Variants in SV2B observed in about 807,000 individuals in gnomAD.
The protein encoded by SV2B is synaptic vesicle glycoprotein 2B, also known as solute carrier family 22 member B2.
Under a neutral mutation model 73.9 loss-of-function variants are expected in SV2B, and 41 were observed. The observed-to-expected ratio is 0.56, with a 90% CI of 0.43 to 0.72. The LOEUF is 0.72. Among genes scored for constraint, SV2B ranks in the 30% least tolerant of loss-of-function variants. The pLI is 0.00. For synonymous variants in SV2B, 314 were observed against 314.2 expected, an observed-to-expected ratio of 1.00 and a Z score of 0.01; for missense variants, 764 against 857.8, an observed-to-expected ratio of 0.89 and a Z score of 1.37.
At chr15:91,262,482 G>C (rs974940826) in intron 6 of SV2B, among the ~76,000 whole-genome samples, 10 of 151,900 alleles carry the variant, frequency 6.6e-5, no homozygotes, top group Non-Finnish European at 1.3e-4. Flanking sequence ...TTCTATTTTA[G>C]GTTCGGGGTA....
At chr15:91,131,662 A>C (rs551124517) in intron 1 of SV2B, among the ~76,000 whole-genome samples, 51 of 149,656 alleles carry the variant, frequency 3.4e-4, no homozygotes, top group Admixed American at 1.6e-3. Context: ...AAAAAAAAAA[A>C]CAAAAAAAAC....
intron 1 of SV2B, among the ~76,000 whole-genome samples, chr15:91,169,410 A>G (rs980711914): frequency 2.0e-5 from 3 of 152,156 alleles, no homozygotes; most frequent in African/African-American, 7.2e-5. Flanking sequence ...CGAATGAATG[A>G]AAGACAGCCC....
intron 1 of SV2B, among the ~76,000 whole-genome samples, chr15:91,196,775 G>T (rs1271629684): frequency 6.6e-6 from 1 of 152,230 alleles, no homozygotes; most frequent in Non-Finnish European, 1.5e-5. Flanking sequence ...TAGGTTTGTT[G>T]GGGTGAAATT....
rs538652096 is a variant in SV2B, at chr15:91,121,236, G to A, written c.-392+20873G>A. The stretch of plus-strand genomic sequence containing the variant: ...AGTCAAAGTTTTCTTCACCTCAGGC[G>A]AGTTTTTATCTAGTGCTGTGGTTCT... On this transcript the variant is annotated intron_variant, in intron 1 of 12. Coordinates refer to ENST00000394232, the MANE Select transcript of SV2B (RefSeq NM_001323032.3). The surrounding 1 kb of genome is among the most constrained non-coding windows in gnomAD (Gnocchi z 4.4). Among the ~76,000 whole-genome samples, 1 of 152,206 alleles carries A rather than the reference G, an allele frequency of 6.6e-6. No homozygotes were observed. Among genetic ancestry groups the A allele is most frequent in the East Asian group, 1.9e-4 (1 of 5,194 alleles).
rs2048908717 is a variant in SV2B at position 91,287,737 on chromosome 15, A to G, written c.1709-1784A>G. Among the ~76,000 whole-genome samples, 3 of 152,368 alleles carry G rather than the reference A, an allele frequency of 2.0e-5. No individual in the cohort carries two copies. The South Asian group carries it at 6.2e-4, about 32-fold the overall frequency. ...CTGGAGGGGAAAAGGGATTCACCCC[A>G]GATAGTTCTAGTGAGGAAACTTTAC... On this transcript the variant is annotated intron_variant, in intron 11 of 12. Coordinates refer to ENST00000394232, the MANE Select transcript of SV2B (RefSeq NM_001323032.3).
chr15:91,212,092 T>C (rs1037420960), intron 1 of SV2B, among the ~76,000 whole-genome samples: 1 of 152,204 alleles, frequency 6.6e-6, no homozygotes, highest in Non-Finnish European at 1.5e-5. Context: ...ATATGACCTG[T>C]TTCTAGATGC....
chr15:91,281,911 G>T lies in SV2B; in HGVS notation c.1507+50G>T, dbSNP rs1480925611. 6.5e-7 allele frequency: 1 copy of T among 1,547,042 alleles called. No homozygotes were observed. The highest frequency in any genetic ancestry group is 1.4e-5 in the African/African-American group (1 of 72,238). ...AATAGAAAGTAACAGGAGACAACTT[G>T]TGTTGTCCAAGAATCAAAATGGTCA... On this transcript the variant is annotated intron_variant, in intron 10 of 12. Transcript: ENST00000394232. This position sits in a 1 kb window ranked among gnomAD's most constrained non-coding sequence, Gnocchi z 4.7.
Position 91,106,312 on chromosome 15 carries a change from G to A in SV2B, c.-392+5949G>A, listed in dbSNP as rs2041881595. On this transcript the variant is annotated intron_variant, in intron 1 of 12. Transcript: ENST00000394232. The surrounding 1 kb of genome is among the most constrained non-coding windows in gnomAD (Gnocchi z 4.4). ...GAAGAGTTTCAGGAAGGAGACATAG[G>A]TTTGAGTATCATTAGCATGTTATTT... Among the ~76,000 whole-genome samples the A allele has an allele frequency of 6.6e-6, 1 of 152,156 alleles. No homozygotes were observed. The highest frequency in any genetic ancestry group is 2.4e-5 in the African/African-American group (1 of 41,420).
chr15:91,219,264 G>GA (rs1451098201), intron 1 of SV2B, among the ~76,000 whole-genome samples: 1 of 152,162 alleles, frequency 6.6e-6, no homozygotes, highest in Non-Finnish European at 1.5e-5. Context: ...CTGGGCTCTT[G>GA]ATACACCATC....
In SV2B at chr15:91,137,940, T is replaced by G. The variant is rs2042892262; in HGVS notation, c.-392+37577T>G. Among the ~76,000 whole-genome samples the G allele has an allele frequency of 2.0e-5, 3 of 152,130 alleles. No individual in the cohort carries two copies. In the South Asian group the frequency reaches 6.2e-4, roughly 32 times the overall value. ...CAACCAAATGATAGATGAGGGGAAT[T>G]TGCTCTTTATAGAAGTATTCCAGCT... On this transcript the variant is annotated intron_variant, in intron 1 of 12. Coordinates refer to ENST00000394232, the MANE Select transcript of SV2B (RefSeq NM_001323032.3). This position sits in a 1 kb window ranked among gnomAD's most constrained non-coding sequence, Gnocchi z 4.9.
In SV2B at chr15:91,226,233, A is replaced by T; in HGVS notation, c.-31A>T. On this transcript the variant is annotated 5_prime_UTR_variant, in exon 2 of 13. In the 5' UTR this introduces an upstream ATG that the reference lacks. Coordinates refer to ENST00000394232, the MANE Select transcript of SV2B (RefSeq NM_001323032.3). ...ACCACAGAGCGAGGGATATAGCTCA[A>T]GGGGCAACCAGGCAGTCGCAGAACC... 1 of 1,610,716 alleles carries T rather than the reference A, an allele frequency of 6.2e-7. No individual in the cohort carries two copies. Among genetic ancestry groups the T allele is most frequent in the Non-Finnish European group, 8.5e-7 (1 of 1,177,482 alleles).
Position 91,245,681 on chromosome 15 carries a change from A to G in SV2B, c.452-6138A>G, listed in dbSNP as rs559514195. Among the ~76,000 whole-genome samples the G allele has an allele frequency of 2.0e-5, 3 of 152,368 alleles. No homozygotes were observed. In the East Asian group the frequency reaches 5.8e-4, roughly 29 times the overall value. On this transcript the variant is annotated intron_variant, in intron 2 of 12. Transcript: ENST00000394232. This position sits in a 1 kb window ranked among gnomAD's most constrained non-coding sequence, Gnocchi z 4.2. ...CAAAATCAACATGGTCCCTTCGTCC[A>G]GGAGTTTACAGTCACAGGAGTTTGG...
At chr15:91,226,844 T>C in intron 2 of SV2B, 130 bp downstream of exon 2, 1 of 1,166,210 alleles carries the variant, frequency 8.6e-7, no homozygotes. Flanking sequence ...AATTTTTGTC[T>C]TAGAGAAATC....
Position 91,289,555 on chromosome 15 carries a change from C to A in SV2B, c.1743C>A (p.Phe581Leu). Residue 581 changes from phenylalanine (F) to leucine (L), a missense_variant, in exon 12 of 13, where the codon TTC becomes TTA. Transcript: ENST00000394232. The surrounding 1 kb of genome is among the most constrained non-coding windows in gnomAD (Gnocchi z 4.9). ...GSMLISAVCC[F>L]FLFFGNSESA... The stretch of plus-strand genomic sequence containing the variant: ...TGCTAATCTCTGCAGTCTGCTGCTT[C>A]TTCCTGTTTTTTGGCAACAGTGAGT... The A allele has an allele frequency of 6.2e-7, 1 of 1,614,250 alleles. No individual in the cohort carries two copies. The highest frequency in any genetic ancestry group is 1.1e-5 in the South Asian group (1 of 91,082).
chr15:91,251,052 T>C (rs1050103496), intron 2 of SV2B, among the ~76,000 whole-genome samples: 1 of 152,190 alleles, frequency 6.6e-6, no homozygotes, highest in Non-Finnish European at 1.5e-5. Flanking sequence ...CTTTCAAATA[T>C]ACTACAAAAC....
In SV2B at chr15:91,252,079, C is replaced by T. The variant is rs992939017; in HGVS notation, c.632+80C>T. ...CTGGTATTCTAGCTCCAAGAGGTAA[C>T]TCTAGAAACCCTTGGACTGACTGAG... On this transcript the variant is annotated intron_variant, in intron 3 of 12. Transcript: ENST00000394232. The surrounding 1 kb of genome is among the most constrained non-coding windows in gnomAD (Gnocchi z 4.6). 6.5e-7 allele frequency: 1 copy of T among 1,529,362 alleles called. No homozygotes were observed. Among genetic ancestry groups the T allele is most frequent in the Non-Finnish European group, 8.9e-7 (1 of 1,129,940 alleles). 94.7% of individuals were successfully genotyped at this position (1,529,362 alleles called of 1,614,324 possible). A position where few individuals can be genotyped will look rare whatever the true frequency, so the allele number is the denominator to read the frequency against.
chr15:91,125,498 G>T (rs542405579), intron 1 of SV2B, among the ~76,000 whole-genome samples: 91 of 152,080 alleles, frequency 6.0e-4, no homozygotes, highest in Non-Finnish European at 1.0e-3. Context: ...TTGGCCAGGC[G>T]CAGTGGCTCA....
intron 1 of SV2B, among the ~76,000 whole-genome samples, chr15:91,104,562 G>A (rs967888789): frequency 6.6e-6 from 1 of 152,216 alleles, no homozygotes; most frequent in African/African-American, 2.4e-5. Flanking sequence ...AAAATGTACA[G>A]ATACAGGGAG....
chr15:91,233,854 A>G (rs2046678078), intron 2 of SV2B, among the ~76,000 whole-genome samples: 1 of 152,194 alleles, frequency 6.6e-6, no homozygotes, highest in Non-Finnish European at 1.5e-5. Flanking sequence ...TCAGGCCTCT[A>G]AAGGTGAGGC....
Sources: gnomAD v4.1 joint callset for allele counts (sites outside exome capture counted in the v4.1 genomes callset) on GRCh38, gnomAD v4.1.1 for gene constraint, Gnocchi (gnomAD v3.1) non-coding constraint, MANE v1.5 for transcripts, NCBI Gene and HGNC (gene_info 2026-07-23, HGNC 2026-07-21) for gene names.